ASMTL: variants seen among roughly 807,000 people sequenced by gnomAD.
The protein encoded by ASMTL is acetylserotonin O-methyltransferase like.
In ASMTL, 57 loss-of-function variants were observed where a neutral mutation model predicts 60.3. That is an observed-to-expected ratio of 0.95 (90% confidence interval 0.76 to 1.18). The LOEUF (loss-of-function observed/expected upper bound fraction) is 1.18. ASMTL is among the 50% of genes most tolerant of loss of function. The pLI is 0.00. For synonymous variants in ASMTL, 419 were observed against 373.0 expected (o/e 1.12, Z -1.42); for missense variants, 981 against 852.6 (o/e 1.15, Z -1.88).
At chrX:1,420,145 A>G (rs1195848681) in intron 9 of ASMTL, among the ~76,000 whole-genome samples, 2 of 145,664 alleles carry the variant, frequency 1.4e-5, no homozygotes, top group African/African-American at 5.1e-5. Context: ...GTCTGTCTCC[A>G]TCTTTGTTTC....
At chrX:1,435,673 A>G (rs757993320) in intron 4 of ASMTL, 21 bp downstream of exon 4, 1 of 1,612,882 alleles carries the variant, frequency 6.2e-7, no homozygotes, top group South Asian at 1.1e-5. Context: ...GAGAGGGCTC[A>G]GAGGCCAACA....
intron 11 of ASMTL, 83 bp from the exon 12 acceptor site, chrX:1,412,937 C>T: frequency 1.3e-6 from 2 of 1,493,040 alleles, no homozygotes; most frequent in Non-Finnish European, 1.9e-6. Flanking sequence ...CGGCCACCCG[C>T]ATCCTAAATC....
At chrX:1,424,051 TACCCATCCATCC>T (rs2090546476) in intron 8 of ASMTL, among the ~76,000 whole-genome samples, 1 of 89,794 alleles carries the variant, frequency 1.1e-5, no homozygotes, top group African/African-American at 5.0e-5. Flanking sequence ...CCCACCCACC[TACCCATCCATCC>T]ACCCATCCAC....
In ASMTL at chrX:1,428,132, AG is replaced by A; in HGVS notation, c.510-12del. ...CCGCCAGCTTTGTCCCTGGGTGGGC[AG>A]GGGAAGGTAAGAGGTGACAAGGAGG... On this transcript the variant is annotated splice_polypyrimidine_tract_variant and intron_variant, in intron 6 of 12. Transcript: ENST00000381317. 6.3e-7 allele frequency: 1 copy of A among 1,595,910 alleles called. No individual in the cohort carries two copies. Among genetic ancestry groups the A allele is most frequent in the Non-Finnish European group, 8.6e-7 (1 of 1,167,338 alleles).
chrX:1,405,392 G>A (rs1445496367), intron 12 of ASMTL, among the ~76,000 whole-genome samples: 2 of 149,184 alleles, frequency 1.3e-5, no homozygotes, highest in Non-Finnish European at 3.0e-5. Flanking sequence ...AGGTAGGTAG[G>A]TAGATAGATG....
rs775142900 is a variant in ASMTL at position 1,437,238 on chromosome X, C to T, written c.274-1480G>A. 7.8e-4 allele frequency among the ~76,000 whole-genome samples: 117 copies of T among 150,578 alleles called. 1 individual carries two copies. Among genetic ancestry groups the T allele is most frequent in the African/African-American group, 2.7e-3 (110 of 41,004 alleles). On this transcript the variant is annotated intron_variant, in intron 3 of 12. Coordinates refer to ENST00000381317, the MANE Select transcript of ASMTL (RefSeq NM_004192.4). ...GAGGCCTCTCTCCTAGGCTTGTAGA[C>T]GCCGTCTTCTCCCTGTGTCCTCACA...
rs1266712128 is a variant in ASMTL, at chrX:1,452,872, T to C, written c.-32A>G. 3 of 1,489,470 alleles carry C rather than the reference T, an allele frequency of 2.0e-6. No individual in the cohort carries two copies. The highest frequency in any genetic ancestry group is 2.1e-5 in the Admixed American group (1 of 46,622). 92.3% of individuals were successfully genotyped at this position (1,489,470 alleles called of 1,614,324 possible). ...CACGCCGGGAGCCGGGCGTCCGCAC[T>C]TCTGAGCCCGGAGCCCGCGGTGCGC... is the stretch of plus-strand genomic sequence containing the variant. On this transcript the variant is annotated 5_prime_UTR_variant, in exon 1 of 13. Coordinates refer to ENST00000381317, the MANE Select transcript of ASMTL (RefSeq NM_004192.4).
intron 11 of ASMTL, among the ~76,000 whole-genome samples, chrX:1,417,340 C>G (rs1338879743): frequency 4.6e-5 from 7 of 151,778 alleles, no homozygotes; most frequent in Middle Eastern, 3.2e-3. Context: ...CATATATCCA[C>G]ACGGATGCAC....
intron 12 of ASMTL, among the ~76,000 whole-genome samples, chrX:1,412,177 A>G (rs1336893752): frequency 6.6e-6 from 1 of 152,032 alleles, no homozygotes; most frequent in Non-Finnish European, 1.5e-5. Flanking sequence ...CCTCTCACCC[A>G]GACGCTGGAC....
At chrX:1,421,981 C>A (rs2090496252) in intron 8 of ASMTL, 139 bp from the exon 9 acceptor site, 2 of 768,190 alleles carry the variant, frequency 2.6e-6, no homozygotes, top group South Asian at 1.7e-5. Flanking sequence ...GGAAACCTGA[C>A]CATAGGGGAT....
At chrX:1,430,715 T>C (rs1458450925) in intron 6 of ASMTL, among the ~76,000 whole-genome samples, 16 of 149,816 alleles carry the variant, frequency 1.1e-4, no homozygotes, top group Non-Finnish European at 2.4e-4. Flanking sequence ...GACGCTGCAG[T>C]GAGCTATGAC....
chrX:1,413,668 G>A (rs1349876128), intron 11 of ASMTL: 1 of 152,354 alleles, frequency 6.6e-6, no homozygotes, highest in Admixed American at 6.5e-5. Flanking sequence ...TCTGGAAATA[G>A]GGTCTCTATG....
rs761301685 is a variant in ASMTL at position 1,416,193 on chromosome X, G to A, written c.1522+1780C>T. On this transcript the variant is annotated intron_variant, in intron 11 of 12. Coordinates refer to ENST00000381317, the MANE Select transcript of ASMTL (RefSeq NM_004192.4). ...GATATAGCGACAGGCACACACAGAC[G>A]CAGACATGCACAGCAACAGGCACAC... Among the ~76,000 whole-genome samples, 29 of 119,952 alleles carry A rather than the reference G, an allele frequency of 2.4e-4. No individual in the cohort carries two copies. In the East Asian group the frequency reaches 3.8e-3, roughly 16 times the overall value. The allele number at this position is 119,952 out of a possible 152,430, so 78.7% of individuals were successfully genotyped here.
intron 1 of ASMTL, among the ~76,000 whole-genome samples, chrX:1,449,925 T>C: frequency 7.1e-6 from 1 of 140,270 alleles, no homozygotes; most frequent in Non-Finnish European, 1.5e-5. Context: ...CCATCACCAG[T>C]AACTAACCCC....
intron 3 of ASMTL, among the ~76,000 whole-genome samples, chrX:1,436,498 G>T (rs1271419718): frequency 1.3e-5 from 2 of 152,178 alleles, no homozygotes; most frequent in Non-Finnish European, 2.9e-5. Context: ...GACTACAGGC[G>T]CCCGCCACCA....
rs778688356 is a variant in ASMTL at position 1,432,247 on chromosome X, C to A, written c.509+22G>T. 5.1e-6 allele frequency: 8 copies of A among 1,581,406 alleles called. No individual in the cohort carries two copies. The African/African-American group carries it at 9.4e-5, about 19-fold the overall frequency. On this transcript the variant is annotated intron_variant, in intron 6 of 12. Transcript: ENST00000381317. ...AGGCTTCCACACGTGTCCCCCGTCC[C>A]CCCACCGCCCCCGAGACTCACATGG...
intron 2 of ASMTL, among the ~76,000 whole-genome samples, chrX:1,439,603 C>T (rs1343420858): frequency 1.2e-4 from 19 of 152,196 alleles, no homozygotes; most frequent in African/African-American, 4.3e-4. Context: ...TCCCAGCACT[C>T]TGGGAGGCCG....
At chrX:1,443,624 CCGCCA>C (rs1388555292) in intron 1 of ASMTL, among the ~76,000 whole-genome samples, 36 of 150,526 alleles carry the variant, frequency 2.4e-4, no homozygotes, top group Non-Finnish European at 4.9e-4. Flanking sequence ...TGGACAGACA[CCGCCA>C]TCGTGGACAG....
chrX:1,450,088 A>G (rs1377367413), intron 1 of ASMTL, among the ~76,000 whole-genome samples: 1 of 149,878 alleles, frequency 6.7e-6, no homozygotes, highest in East Asian at 2.0e-4. Context: ...CCCCATCACC[A>G]GTAACTATCC....
Sources: allele counts gnomAD v4.1 joint callset (sites outside exome capture counted in the v4.1 genomes callset), GRCh38; gene constraint gnomAD v4.1.1; transcripts MANE v1.5; gene names NCBI Gene and HGNC (gene_info 2026-07-23, HGNC 2026-07-21).